The following DPP10 variants were observed in gnomAD, a reference collection of about 807,000 sequenced individuals.
DPP10 encodes the protein dipeptidyl peptidase like 10, also known as inactive dipeptidyl peptidase 10.
A neutral mutation model predicts 120.9 loss-of-function variants in DPP10; 33 were observed. That is an observed-to-expected ratio of 0.27 (90% CI 0.21 to 0.37). The LOEUF (loss-of-function observed/expected upper bound fraction) is 0.37, where lower values mean the gene tolerates loss of function less well. DPP10 is among the 10% of genes least tolerant of loss of function. DPP10 has a pLI of 1.00. For synonymous variants in DPP10, 337 were observed against 326.1 expected, an observed-to-expected ratio of 1.03 and a Z score of -0.36; for missense variants, 816 against 942.8, an observed-to-expected ratio of 0.87 and a Z score of 1.76.
chr2:115,329,845 A>G (rs1352547427), intron 2 of DPP10, among the ~76,000 whole-genome samples: 1 of 152,194 alleles, frequency 6.6e-6, no homozygotes, highest in Non-Finnish European at 1.5e-5. Context: ...ATTGATGGAC[A>G]TTTGGGTTGG....
chr2:115,833,695 T>C (rs1689158764), intron 21 of DPP10, among the ~76,000 whole-genome samples: 2 of 152,162 alleles, frequency 1.3e-5, no homozygotes, highest in Admixed American at 1.3e-4. Flanking sequence ...TTACTAAAAA[T>C]ATTCTATACA....
chr2:114,685,476 G>A (rs535133087), intron 1 of DPP10, among the ~76,000 whole-genome samples: 33 of 151,970 alleles, frequency 2.2e-4, no homozygotes, highest in Middle Eastern at 3.4e-3. Context: ...AACTAACGGC[G>A]TCCATTTCTC....
At chr2:115,461,807 T>C (rs1409698285) in intron 3 of DPP10, among the ~76,000 whole-genome samples, 2 of 152,184 alleles carry the variant, frequency 1.3e-5, no homozygotes, top group Non-Finnish European at 1.5e-5. Context: ...CAGTTACAGA[T>C]TATTTTCCCT....
At chr2:115,630,662 C>A (rs562346621) in intron 5 of DPP10, among the ~76,000 whole-genome samples, 3 of 152,104 alleles carry the variant, frequency 2.0e-5, no homozygotes, top group Non-Finnish European at 4.4e-5. Flanking sequence ...TATTGAGAAT[C>A]ATGTGGTTTT....
At chr2:115,701,876 G>A (rs979443718) in intron 7 of DPP10, among the ~76,000 whole-genome samples, 2 of 152,034 alleles carry the variant, frequency 1.3e-5, no homozygotes, top group African/African-American at 4.8e-5. Flanking sequence ...ATGGAAAGAA[G>A]TTTGATCTTA....
chr2:115,799,792 C>A (rs1250512275), intron 19 of DPP10, among the ~76,000 whole-genome samples: 1 of 151,900 alleles, frequency 6.6e-6, no homozygotes, highest in African/African-American at 2.4e-5. Flanking sequence ...GCATAGTATT[C>A]CATGGTGTAT....
chr2:114,967,727 C>T (rs1345593902), intron 1 of DPP10, among the ~76,000 whole-genome samples: 1 of 152,072 alleles, frequency 6.6e-6, no homozygotes, highest in African/African-American at 2.4e-5. Context: ...TTGGTCATTC[C>T]GTCTGCTAAA....
intron 1 of DPP10, among the ~76,000 whole-genome samples, chr2:114,497,306 T>C (rs1242406415): frequency 2.1e-5 from 1 of 47,750 alleles, no homozygotes; most frequent in African/African-American, 7.5e-5. Context: ...TGTATACGTG[T>C]ATACATGTAC....
intron 1 of DPP10, among the ~76,000 whole-genome samples, chr2:115,058,587 ACGGGGTTTCGCC>A (rs1706133753): frequency 6.6e-6 from 1 of 152,094 alleles, no homozygotes; most frequent in Admixed American, 6.5e-5. Flanking sequence ...TTGAGTACAG[ACGGGGTTTCGCC>A]ATGTTGGCAA....
chr2:115,079,334 C>G (rs1055419342), intron 1 of DPP10, among the ~76,000 whole-genome samples: 1 of 150,412 alleles, frequency 6.6e-6, no homozygotes, highest in Non-Finnish European at 1.5e-5. Context: ...GAGCTGCACT[C>G]CAGCCTGGGC....
chr2:115,735,614 A>G (rs537048163), intron 8 of DPP10, among the ~76,000 whole-genome samples: 1 of 148,630 alleles, frequency 6.7e-6, no homozygotes, highest in African/African-American at 2.5e-5. Flanking sequence ...TCCAGCTCCC[A>G]GGTTCAAGAG....
intron 3 of DPP10, among the ~76,000 whole-genome samples, chr2:115,463,998 G>A (rs1036637584): frequency 6.6e-6 from 1 of 152,096 alleles, no homozygotes; most frequent in Non-Finnish European, 1.5e-5. Context: ...AGTAGAGACT[G>A]GTGGTCCTCT....
intron 1 of DPP10, among the ~76,000 whole-genome samples, chr2:115,285,022 A>G (rs1247831262): frequency 6.6e-6 from 1 of 152,046 alleles, no homozygotes; most frequent in Non-Finnish European, 1.5e-5. Context: ...ACGTTCATAT[A>G]ATGTCCAGCT....
chr2:114,973,377 G>A (rs1699521367), intron 1 of DPP10, among the ~76,000 whole-genome samples: 1 of 151,464 alleles, frequency 6.6e-6, no homozygotes, highest in Non-Finnish European at 1.5e-5. Context: ...AAAGTTAACT[G>A]TAGGCCGGGC....
intron 19 of DPP10, among the ~76,000 whole-genome samples, chr2:115,812,947 ATC>A (rs1686803013): frequency 6.7e-6 from 1 of 149,498 alleles, no homozygotes; most frequent in Admixed American, 6.7e-5. Flanking sequence ...ATAACTAAAT[ATC>A]TCTGACTGGA....
intron 1 of DPP10, among the ~76,000 whole-genome samples, chr2:114,630,118 G>T (rs1361354911): frequency 6.6e-6 from 1 of 152,080 alleles, no homozygotes; most frequent in Non-Finnish European, 1.5e-5. Context: ...TGCTCCCTGA[G>T]ATGATCGTTT....
intron 1 of DPP10, among the ~76,000 whole-genome samples, chr2:115,273,494 G>T (rs2059785918): frequency 6.6e-6 from 1 of 152,070 alleles, no homozygotes; most frequent in Non-Finnish European, 1.5e-5. Context: ...CCGCCACCAT[G>T]CCTGGCTAAT....
At chr2:114,656,029 A>G (rs1342900776) in intron 1 of DPP10, among the ~76,000 whole-genome samples, 2 of 152,162 alleles carry the variant, frequency 1.3e-5, no homozygotes, top group African/African-American at 4.8e-5. Flanking sequence ...TGAATTGACT[A>G]CAGGGGGCAT....
At chr2:115,048,259 C>T (rs865961629) in intron 1 of DPP10, among the ~76,000 whole-genome samples, 26 of 151,964 alleles carry the variant, frequency 1.7e-4, no homozygotes, top group Admixed American at 6.6e-4. Context: ...TGCCTACCAG[C>T]GGCCAAATCA....
Sources: allele counts gnomAD v4.1 joint callset (sites outside exome capture counted in the v4.1 genomes callset), GRCh38; gene constraint gnomAD v4.1.1; transcripts MANE v1.5; gene names NCBI Gene and HGNC (gene_info 2026-07-23, HGNC 2026-07-21).